ECHDC1: variants seen among roughly 807,000 people sequenced by gnomAD.
ECHDC1 encodes the protein ethylmalonyl-CoA decarboxylase.
A neutral mutation model predicts 29.7 loss-of-function variants in ECHDC1; 29 were observed. The observed-to-expected ratio is 0.98, with a 90% CI of 0.73 to 1.33. ECHDC1 has a LOEUF of 1.33. Ranked by LOEUF, ECHDC1 falls within the 40% of genes most tolerant of loss-of-function variation. ECHDC1 has a pLI of 0.00. For missense variants in ECHDC1, 328 were observed against 350.0 expected (o/e 0.94, Z 0.50); for synonymous variants, 126 against 123.1 (o/e 1.02, Z -0.15).
intron 5 of ECHDC1, among the ~76,000 whole-genome samples, chr6:127,299,533 T>G (rs1780892759): frequency 1.3e-5 from 2 of 151,924 alleles, no homozygotes; most frequent in African/African-American, 4.8e-5. Context: ...AAGAAAATAC[T>G]TTCGTTCAGC....
intron 1 of ECHDC1, among the ~76,000 whole-genome samples, chr6:127,340,211 C>T (rs1784807652): frequency 6.6e-6 from 1 of 152,192 alleles, no homozygotes; most frequent in South Asian, 2.1e-4. Flanking sequence ...GATTTTCTCA[C>T]AAGACTGTTA....
chr6:127,297,513 A>T (rs896193368), intron 5 of ECHDC1, among the ~76,000 whole-genome samples: 1 of 152,180 alleles, frequency 6.6e-6, no homozygotes, highest in Non-Finnish European at 1.5e-5. Flanking sequence ...CAAACAGAAC[A>T]ACCTGGGGAA....
intron 5 of ECHDC1, chr6:127,313,394 G>T: frequency 3.2e-6 from 1 of 309,520 alleles, no homozygotes. Context: ...GTAGAGATAG[G>T]GTTTCACCAT....
intron 3 of ECHDC1, among the ~76,000 whole-genome samples, chr6:127,325,294 T>C (rs1783220427): frequency 6.6e-6 from 1 of 152,114 alleles, no homozygotes; most frequent in African/African-American, 2.4e-5. Context: ...TGAGAAACTA[T>C]CATAGGTAAG....
rs71024770 is a variant in ECHDC1 at position 127,307,648 on chromosome 6, G to GAAAAAAAAAAAAAA, written c.497+7154_497+7167dup. On this transcript the variant is annotated intron_variant, in intron 5 of 5. Coordinates refer to ENST00000454859, the MANE Select transcript of ECHDC1 (RefSeq NM_001002030.2). ...GGTGACAGAGTGATACTCTGTCTCAGAAAAAAAAAAAAAAGACAGAAAGAA... is the reference window on the plus strand; with the variant it reads ...GGTGACAGAGTGATACTCTGTCTCAGAAAAAAAAAAAAAAAAAAAAAAAAAAAAGACAGAAAGAA... Among the ~76,000 whole-genome samples, 240 of 48,552 alleles carry GAAAAAAAAAAAAAA rather than the reference G, an allele frequency of 4.9e-3. 30 individuals carry two copies. Among genetic ancestry groups the GAAAAAAAAAAAAAA allele is most frequent in the African/African-American group, 0.01 (152 of 15,054 alleles). The allele number at this position is 48,552 out of a possible 152,430, so 31.9% of individuals were successfully genotyped here.
intron 1 of ECHDC1, among the ~76,000 whole-genome samples, chr6:127,339,201 G>A (rs1168998202): frequency 6.6e-6 from 1 of 150,752 alleles, no homozygotes; most frequent in Non-Finnish European, 1.5e-5. Context: ...GACAAGTCTG[G>A]CAGCTAAGCA....
chr6:127,313,886 A>G (rs1357504068), intron 5 of ECHDC1, among the ~76,000 whole-genome samples: 1 of 152,214 alleles, frequency 6.6e-6, no homozygotes, highest in African/African-American at 2.4e-5. Context: ...TATTTTCACT[A>G]TCTTATTTAA....
chr6:127,309,815 C>T (rs111381888), intron 5 of ECHDC1, among the ~76,000 whole-genome samples: 1,540 of 152,280 alleles, frequency 0.01, 27 homozygotes, highest in African/African-American at 0.035. Context: ...CGGAAGCAGG[C>T]ATATCTTCAC....
intron 1 of ECHDC1, among the ~76,000 whole-genome samples, chr6:127,336,173 T>C (rs1385357032): frequency 6.6e-6 from 1 of 152,144 alleles, no homozygotes; most frequent in African/African-American, 2.4e-5. Context: ...ATATCACAGA[T>C]GTTCTCACCA....
intron 1 of ECHDC1, among the ~76,000 whole-genome samples, chr6:127,335,129 C>G (rs766017378): frequency 2.6e-5 from 4 of 152,016 alleles, no homozygotes; most frequent in Non-Finnish European, 5.9e-5. Context: ...CAGAAACTGA[C>G]AGAGAACATA....
At chr6:127,322,917 G>A (rs973626141) in intron 3 of ECHDC1, among the ~76,000 whole-genome samples, 2 of 151,970 alleles carry the variant, frequency 1.3e-5, no homozygotes, top group Non-Finnish European at 2.9e-5. Context: ...AACCATTTGA[G>A]AGATGAAAAA....
intron 5 of ECHDC1, among the ~76,000 whole-genome samples, chr6:127,311,791 A>G (rs1781959897): frequency 3.4e-5 from 1 of 29,498 alleles, no homozygotes; most frequent in African/African-American, 7.1e-5. Flanking sequence ...CTGGACCAGA[A>G]AAAAAAAAAA....
chr6:127,338,002 CA>C (rs2114709540), intron 1 of ECHDC1, among the ~76,000 whole-genome samples: 1 of 152,258 alleles, frequency 6.6e-6, no homozygotes, highest in South Asian at 2.1e-4. Context: ...TGGTATTCTT[CA>C]CTGGATTATT....
chr6:127,299,922 A>C (rs1780926727), intron 5 of ECHDC1, among the ~76,000 whole-genome samples: 1 of 152,198 alleles, frequency 6.6e-6, no homozygotes, highest in South Asian at 2.1e-4. Flanking sequence ...TTGTGTTACA[A>C]CTGCCTATAG....
At chr6:127,325,857 C>T (rs1783276124) in intron 3 of ECHDC1, among the ~76,000 whole-genome samples, 2 of 152,022 alleles carry the variant, frequency 1.3e-5, no homozygotes, top group African/African-American at 2.4e-5. Context: ...TGTGCCAGCA[C>T]ACCCGGCTAA....
intron 1 of ECHDC1, among the ~76,000 whole-genome samples, chr6:127,335,983 G>T (rs1784395098): frequency 6.6e-6 from 1 of 151,920 alleles, no homozygotes; most frequent in South Asian, 2.1e-4. Flanking sequence ...GGTATCTAAG[G>T]CCTCCTGAAG....
chr6:127,299,776 T>C (rs183300433), intron 5 of ECHDC1, among the ~76,000 whole-genome samples: 2 of 152,290 alleles, frequency 1.3e-5, no homozygotes, highest in East Asian at 3.9e-4. Context: ...TGCCACTCAC[T>C]CACTCACTTA....
intron 5 of ECHDC1, among the ~76,000 whole-genome samples, chr6:127,302,017 T>C (rs928396233): frequency 6.6e-6 from 1 of 152,178 alleles, no homozygotes; most frequent in Non-Finnish European, 1.5e-5. Flanking sequence ...GCACCTGGTA[T>C]ATCCAGATAC....
In ECHDC1 at chr6:127,323,715, C is replaced by T. The variant is rs565551770; in HGVS notation, c.363+3287G>A. On this transcript the variant is annotated intron_variant, in intron 3 of 5. Transcript: ENST00000454859. Reference sequence around the variant, plus strand: ...CTTCCTCACATGTGCAAATAATAATCATATACTACATACAGTGGCATGAGA... The same window carrying T: ...CTTCCTCACATGTGCAAATAATAATTATATACTACATACAGTGGCATGAGA... Among the ~76,000 whole-genome samples the T allele has an allele frequency of 2.6e-5, 4 of 152,222 alleles. No individual in the cohort carries two copies. The South Asian group carries it at 8.3e-4, about 32-fold the overall frequency.
Sources: allele counts gnomAD v4.1 joint callset (sites outside exome capture counted in the v4.1 genomes callset), GRCh38; gene constraint gnomAD v4.1.1; transcripts MANE v1.5; gene names NCBI Gene and HGNC (gene_info 2026-07-23, HGNC 2026-07-21).